The following TNKS variants were observed in gnomAD, a reference collection of about 807,000 sequenced individuals.
TNKS encodes poly [ADP-ribose] polymerase tankyrase-1.
Under a neutral mutation model 135.8 loss-of-function variants are expected in TNKS, and 72 were observed. The ratio of observed to expected loss-of-function variants is 0.53; its 90% CI spans 0.44 to 0.64. TNKS has a LOEUF of 0.64. TNKS is among the 30% of genes least tolerant of loss of function. TNKS has a pLI of 0.00. For synonymous variants in TNKS, 849 were observed against 649.3 expected, an observed-to-expected ratio of 1.31 and a Z score of -4.68; for missense variants, 1,769 against 1,674.0, an observed-to-expected ratio of 1.06 and a Z score of -0.99.
intron 3 of TNKS, among the ~76,000 whole-genome samples, chr8:9,620,514 T>C (rs1019238019): frequency 1.3e-5 from 2 of 152,220 alleles, no homozygotes; most frequent in African/African-American, 4.8e-5. Flanking sequence ...TTTAGTATAT[T>C]CCCACAGCCT....
rs1451208908 is a variant in TNKS, at chr8:9,733,519, G to A, written c.2313+75G>A. The A allele has an allele frequency of 5.4e-6, 7 of 1,300,354 alleles. No homozygotes were observed. The South Asian group carries it at 6.6e-5, about 12-fold the overall frequency. The allele number at this position is 1,300,354 out of a possible 1,614,324, so 80.6% of individuals were successfully genotyped here. A position where few individuals can be genotyped will look rare whatever the true frequency, so the allele number is the denominator to read the frequency against. On this transcript the variant is annotated intron_variant, in intron 15 of 26. Coordinates refer to ENST00000310430, the MANE Select transcript of TNKS (RefSeq NM_003747.3). ...GGTTATTACTTGAAAGTAAGTTGGG[G>A]TATGTTATTCTATTAAGAACAATAC...
chr8:9,595,968 T>TGG (rs1324499615), intron 2 of TNKS, among the ~76,000 whole-genome samples: 1 of 151,986 alleles, frequency 6.6e-6, no homozygotes, highest in African/African-American at 2.4e-5. Context: ...AAAAATTAGC[T>TGG]GGGGGTGGTG....
intron 3 of TNKS, among the ~76,000 whole-genome samples, chr8:9,617,047 C>T (rs1348107820): frequency 1.3e-5 from 2 of 152,220 alleles, no homozygotes; most frequent in African/African-American, 4.8e-5. Context: ...ACGTTTCCTT[C>T]TCTCCAACTC....
At chr8:9,769,651 G>C (rs538241965) in intron 25 of TNKS, among the ~76,000 whole-genome samples, 1 of 116,580 alleles carries the variant, frequency 8.6e-6, no homozygotes, top group Non-Finnish European at 1.6e-5. Flanking sequence ...ACGGAGTCTC[G>C]CTCTGTCGCC....
In TNKS at chr8:9,781,155, C is replaced by T. The variant is rs141256018; in HGVS notation, c.*4419C>T. ...TGCCTCCTCTGAAATAACATTCGCACTGTAGATTGCATTTCGGCTTTTCCT... is the reference window on the plus strand; with the variant it reads ...TGCCTCCTCTGAAATAACATTCGCATTGTAGATTGCATTTCGGCTTTTCCT... On this transcript the variant is annotated 3_prime_UTR_variant, in exon 27 of 27. Transcript: ENST00000310430. 3.3e-5 allele frequency: 5 copies of T among 152,322 alleles called. No homozygotes were observed. The highest frequency in any genetic ancestry group is 1.2e-4 in the African/African-American group (5 of 41,574). 9.4% of individuals were successfully genotyped at this position (152,322 alleles called of 1,614,324 possible). A position where few individuals can be genotyped will look rare whatever the true frequency, so the allele number is the denominator to read the frequency against.
At chr8:9,611,519 A>C (rs1799463502) in intron 2 of TNKS, among the ~76,000 whole-genome samples, 2 of 152,168 alleles carry the variant, frequency 1.3e-5, no homozygotes, top group Admixed American at 1.3e-4. Flanking sequence ...TTACAAGATA[A>C]ATTTCTAATT....
chr8:9,761,287 T>G (rs1807135885), intron 20 of TNKS, among the ~76,000 whole-genome samples: 1 of 152,216 alleles, frequency 6.6e-6, no homozygotes, highest in African/African-American at 2.4e-5. Flanking sequence ...TGTTTCTCCC[T>G]TTTTAATTCT....
chr8:9,750,356 G>T (rs1174941590), intron 18 of TNKS, among the ~76,000 whole-genome samples: 1 of 152,198 alleles, frequency 6.6e-6, no homozygotes, highest in Non-Finnish European at 1.5e-5. Context: ...TTTCCTTAAA[G>T]AGAACTGGAC....
At position 9,655,604 on chromosome 8, in the gene TNKS, C is replaced by G. The variant is rs996468588; in HGVS notation, c.995-24347C>G. 2.0e-5 allele frequency among the ~76,000 whole-genome samples: 3 copies of G among 152,180 alleles called. No homozygotes were observed. The East Asian group carries it at 5.8e-4, about 29-fold the overall frequency. On this transcript the variant is annotated intron_variant, in intron 3 of 26. Transcript: ENST00000310430. ...TTCACCAATATCCGCTGTTCTGCAG[C>G]CACTGCTGCCTGATACCCAGACAAA...
At chr8:9,646,224 A>G (rs1359714897) in intron 3 of TNKS, among the ~76,000 whole-genome samples, 1 of 152,042 alleles carries the variant, frequency 6.6e-6, no homozygotes, top group Non-Finnish European at 1.5e-5. Flanking sequence ...TATTTTAAAA[A>G]GATTTCCTTG....
At chr8:9,574,526 G>T (rs1421630246) in intron 1 of TNKS, among the ~76,000 whole-genome samples, 1 of 152,192 alleles carries the variant, frequency 6.6e-6, no homozygotes, top group Non-Finnish European at 1.5e-5. Context: ...ATAGCTGACA[G>T]ATGATCCTTT....
rs916185558 is a variant in TNKS, at chr8:9,594,960, A to G, written c.898+14577A>G. Among the ~76,000 whole-genome samples, 8 of 152,186 alleles carry G rather than the reference A, an allele frequency of 5.3e-5. No homozygotes were observed. In the East Asian group the frequency reaches 1.5e-3, roughly 29 times the overall value. On this transcript the variant is annotated intron_variant, in intron 2 of 26. Coordinates refer to ENST00000310430, the MANE Select transcript of TNKS (RefSeq NM_003747.3). ...TAAATGAGCTAGGTTAAGAAAAGTC[A>G]TTTCTCACACCTTCTTTACTGTTTG...
intron 2 of TNKS, among the ~76,000 whole-genome samples, chr8:9,593,942 A>C (rs776786949): frequency 6.6e-6 from 1 of 151,996 alleles, no homozygotes; most frequent in Non-Finnish European, 1.5e-5. Flanking sequence ...GCTGGAGTGC[A>C]ATGGCACGAT....
At chr8:9,667,171 C>G (rs1802036476) in intron 3 of TNKS, among the ~76,000 whole-genome samples, 1 of 152,122 alleles carries the variant, frequency 6.6e-6, no homozygotes, top group Admixed American at 6.5e-5. Context: ...AGAGATTCTT[C>G]TTAATATTTG....
In TNKS at chr8:9,778,051, T is replaced by C. The variant is rs1283187886; in HGVS notation, c.*1315T>C. The C allele has an allele frequency of 6.6e-6, 1 of 152,662 alleles. No individual in the cohort carries two copies. The highest frequency in any genetic ancestry group is 1.5e-5 in the Non-Finnish European group (1 of 68,044). The allele number at this position is 152,662 out of a possible 1,614,324, so 9.5% of individuals were successfully genotyped here. On this transcript the variant is annotated 3_prime_UTR_variant, in exon 27 of 27. Transcript: ENST00000310430. Reference sequence around the variant, plus strand: ...GAAACCAAAGCCCTTTCTGTTATTTTTTCAATGAAGGTGAGAAAGAAATAC... The same window carrying C: ...GAAACCAAAGCCCTTTCTGTTATTTCTTCAATGAAGGTGAGAAAGAAATAC...
rs1340551919 is a variant in TNKS, at chr8:9,556,087, G to A, written c.148G>A (p.Ala50Thr). The A allele has an allele frequency of 2.5e-6, 4 of 1,603,656 alleles. No homozygotes were observed. Among genetic ancestry groups the A allele is most frequent in the Non-Finnish European group, 2.6e-6 (3 of 1,175,894 alleles). Residue 50 changes from alanine to threonine, a missense_variant, in exon 1 of 27, where the codon GCC becomes ACC. Transcript: ENST00000310430. ...GGGGACCACCCCAGCCTCTCCCACG[G>A]CCAGCGGCCTGGCCCCCTTCGCCTC... Reference protein sequence around the residue: ...APGTTPASPTASGLAPFASPR... With the variant: ...APGTTPASPTTSGLAPFASPR...
In TNKS at chr8:9,648,474, C is replaced by T. The variant is rs571852546; in HGVS notation, c.995-31477C>T. 3.3e-5 allele frequency among the ~76,000 whole-genome samples: 5 copies of T among 152,234 alleles called. No homozygotes were observed. In the South Asian group the frequency reaches 6.2e-4, roughly 19 times the overall value. ...GTCTAGGCCTGTGGAGGGTTAGGAT[C>T]GTCATTATCACTGGCTTTCCCCTCC... On this transcript the variant is annotated intron_variant, in intron 3 of 26. Transcript: ENST00000310430.
chr8:9,618,398 G>C, intron 3 of TNKS, among the ~76,000 whole-genome samples: 1 of 152,054 alleles, frequency 6.6e-6, no homozygotes, highest in East Asian at 1.9e-4. Flanking sequence ...TAGCACACTT[G>C]GATATTTAAA....
intron 1 of TNKS, among the ~76,000 whole-genome samples, chr8:9,563,937 G>A (rs1035482016): frequency 6.6e-6 from 1 of 152,168 alleles, no homozygotes; most frequent in Non-Finnish European, 1.5e-5. Flanking sequence ...AAAGGTCTGA[G>A]ATAGTTAAGG....
Sources: allele counts gnomAD v4.1 joint callset (sites outside exome capture counted in the v4.1 genomes callset), GRCh38; gene constraint gnomAD v4.1.1; transcripts MANE v1.5; gene names NCBI Gene and HGNC (gene_info 2026-07-23, HGNC 2026-07-21).